MYLIP: variants seen among roughly 807,000 people sequenced by gnomAD.
MYLIP encodes myosin regulatory light chain interacting protein, also known as E3 ubiquitin-protein ligase MYLIP.
Under a neutral mutation model 45.8 loss-of-function variants are expected in MYLIP, and 26 were observed. That is an observed-to-expected ratio of 0.57 (90% confidence interval 0.42 to 0.79). The LOEUF (loss-of-function observed/expected upper bound fraction) is 0.79, where lower values mean the gene tolerates loss of function less well. Among genes scored for constraint, MYLIP ranks in the 30% least tolerant of loss-of-function variants. The pLI is 0.00. For missense variants in MYLIP, 494 were observed against 555.6 expected (o/e 0.89, Z 1.11); for synonymous variants, 213 against 218.1 (o/e 0.98, Z 0.21).
chr6:16,152,321 A>AT (rs1357150187), downstream of MYLIP, among the ~76,000 whole-genome samples: 2 of 152,220 alleles, frequency 1.3e-5, no homozygotes, highest in African/African-American at 4.8e-5. Context: ...GCAAGTGCAC[A>AT]TTACATACCT....
chr6:16,157,893 G>A, the MYLIP span, among the ~76,000 whole-genome samples: 1 of 152,164 alleles, frequency 6.6e-6, no homozygotes, highest in Non-Finnish European at 1.5e-5. Context: ...AAAAGCTGTT[G>A]GGCAAAATTT....
chr6:16,133,782 G>A (rs188594954), intron 2 of MYLIP, among the ~76,000 whole-genome samples: 1 of 152,278 alleles, frequency 6.6e-6, no homozygotes, highest in Admixed American at 6.5e-5. Context: ...TTTTAGCAGA[G>A]CTCTGAAGTC....
chr6:16,139,915 T>C (rs901826439), intron 2 of MYLIP, among the ~76,000 whole-genome samples: 1 of 152,230 alleles, frequency 6.6e-6, no homozygotes, highest in African/African-American at 2.4e-5. Flanking sequence ...TCTTTATCAT[T>C]ATAGAATGCA....
chr6:16,146,810 T>A lies in MYLIP; in HGVS notation c.*59T>A. On this transcript the variant is annotated 3_prime_UTR_variant, in exon 7 of 7. Coordinates refer to ENST00000356840, the MANE Select transcript of MYLIP (RefSeq NM_013262.4). ...CATGAACTGCACTATTATAAACTATTAAAATGATAGATTGTGGAGAAAGTA... is the reference window on the plus strand; with the variant it reads ...CATGAACTGCACTATTATAAACTATAAAAATGATAGATTGTGGAGAAAGTA... 1 of 1,344,570 alleles carries A rather than the reference T, an allele frequency of 7.4e-7. No homozygotes were observed. Among genetic ancestry groups the A allele is most frequent in the Non-Finnish European group, 1.0e-6 (1 of 961,500 alleles). The allele number at this position is 1,344,570 out of a possible 1,614,324, so 83.3% of individuals were successfully genotyped here.
downstream of MYLIP, chr6:16,148,349 A>G (rs1759837167): frequency 6.6e-6 from 1 of 151,902 alleles, no homozygotes. Flanking sequence ...CCTACCGGGA[A>G]TTTAATTTTT....
intron 2 of MYLIP, among the ~76,000 whole-genome samples, chr6:16,141,129 A>T (rs1047676655): frequency 6.6e-6 from 1 of 152,178 alleles, no homozygotes; most frequent in Non-Finnish European, 1.5e-5. Flanking sequence ...GTACCGAAGA[A>T]CATCCAGGTG....
At chr6:16,140,887 T>TG (rs1237543347) in intron 2 of MYLIP, among the ~76,000 whole-genome samples, 31 of 152,158 alleles carry the variant, frequency 2.0e-4, no homozygotes, top group Admixed American at 2.6e-4. Flanking sequence ...GTAGGCTGCC[T>TG]GCATGGAGTC....
At chr6:16,163,844 TA>T in the MYLIP span, 1 of 152,282 alleles carries the variant, frequency 6.6e-6, no homozygotes, top group Admixed American at 6.5e-5. Flanking sequence ...ACTGTATTCA[TA>T]ACTTTGTTGT....
chr6:16,133,104 G>T (rs1362620320), intron 2 of MYLIP, among the ~76,000 whole-genome samples: 1 of 152,164 alleles, frequency 6.6e-6, no homozygotes, highest in African/African-American at 2.4e-5. Context: ...TGGGCAGGAA[G>T]GCCTGTTTGT....
chr6:16,142,990 T>C (rs1301761986), intron 3 of MYLIP, 30 bp from the exon 4 acceptor site: 2 of 1,596,760 alleles, frequency 1.3e-6, no homozygotes. Flanking sequence ...ATCTGTATAC[T>C]TAATTCTCTG....
the MYLIP span, among the ~76,000 whole-genome samples, chr6:16,162,209 A>AT: frequency 3.9e-5 from 6 of 152,298 alleles, no homozygotes; most frequent in African/African-American, 1.2e-4. Context: ...GAAGTGGTTT[A>AT]TGGGGTGAGG....
chr6:16,133,601 T>C (rs566050622), intron 2 of MYLIP, among the ~76,000 whole-genome samples: 8 of 152,356 alleles, frequency 5.3e-5, no homozygotes, highest in African/African-American at 1.9e-4. Flanking sequence ...GAAATAATAA[T>C]CATCTTGGAA....
Position 16,143,122 on chromosome 6 carries a change from G to T in MYLIP, c.567G>T (p.Trp189Cys). 6.2e-7 allele frequency: 1 copy of T among 1,614,160 alleles called. No individual in the cohort carries two copies. The highest frequency in any genetic ancestry group is 8.5e-7 in the Non-Finnish European group (1 of 1,180,020). The change falls in exon 4 of 7, where the codon TGG (tryptophan) becomes TGT (cysteine). Residue 189 changes from tryptophan to cysteine, a missense_variant. Trp to Cys is a radical substitution (Grantham distance 215). Transcript: ENST00000356840. Reference protein sequence around the residue: ...VSAMENYGIEWHSVRDSEGQK... With the variant: ...VSAMENYGIECHSVRDSEGQK... The stretch of plus-strand genomic sequence containing the variant: ...CAATGGAAAACTATGGCATAGAATG[G>T]CATTCTGTGCGGGATAGCGAAGGGC...
rs1759808184 is a variant in MYLIP at position 16,147,057 on chromosome 6, A to G, written c.*306A>G. 1 of 218,154 alleles carries G rather than the reference A, an allele frequency of 4.6e-6. No homozygotes were observed. Among genetic ancestry groups the G allele is most frequent in the Non-Finnish European group, 9.4e-6 (1 of 106,932 alleles). 13.5% of individuals were successfully genotyped at this position (218,154 alleles called of 1,614,324 possible). A position where few individuals can be genotyped will look rare whatever the true frequency, so the allele number is the denominator to read the frequency against. ...AGTCTTTGATGTCAGTGAAGTGGCA[A>G]CATAGCCAAAAAGTTGGGTACCTTT... On this transcript the variant is annotated 3_prime_UTR_variant, in exon 7 of 7. Transcript: ENST00000356840.
intron 6 of MYLIP, among the ~76,000 whole-genome samples, chr6:16,146,235 T>C (rs1315969450): frequency 6.6e-6 from 1 of 152,224 alleles, no homozygotes; most frequent in Non-Finnish European, 1.5e-5. Context: ...TCCCTGGCCA[T>C]GTGGGCATCA....
chr6:16,141,294 C>T (rs1174686444), intron 2 of MYLIP, among the ~76,000 whole-genome samples: 3 of 152,126 alleles, frequency 2.0e-5, no homozygotes, highest in African/African-American at 7.2e-5. Flanking sequence ...TGTCAAGATA[C>T]AATTTTTCTG....
chr6:16,149,354 ATAGAAT>A (rs1759851480), downstream of MYLIP, among the ~76,000 whole-genome samples: 2 of 152,240 alleles, frequency 1.3e-5, no homozygotes, highest in Non-Finnish European at 1.5e-5. Flanking sequence ...TGGTGGCATC[ATAGAAT>A]TAGAAGGGAA....
the MYLIP span, chr6:16,163,463 A>C: frequency 1.3e-5 from 2 of 152,262 alleles, no homozygotes; most frequent in African/African-American, 2.4e-5. Flanking sequence ...TGAAGCCAAC[A>C]AAGCTGTCAA....
At chr6:16,148,556 T>C (rs961741435), downstream of MYLIP, among the ~76,000 whole-genome samples, 1 of 151,858 alleles carries the variant, frequency 6.6e-6, no homozygotes, top group African/African-American at 2.4e-5. Flanking sequence ...GATTGGTATG[T>C]AGGGGAAAAT....
Sources: gnomAD v4.1 joint callset for allele counts (sites outside exome capture counted in the v4.1 genomes callset) on GRCh38, gnomAD v4.1.1 for gene constraint, MANE v1.5 for transcripts, NCBI Gene and HGNC (gene_info 2026-07-23, HGNC 2026-07-21) for gene names.